Variants in CDH13 observed in about 807,000 individuals in gnomAD.
CDH13 encodes the protein cadherin 13, also known as cadherin-13.
Under a neutral mutation model 63.8 loss-of-function variants are expected in CDH13, and 24 were observed. That is an observed-to-expected ratio of 0.38 (90% CI 0.27 to 0.53). The LOEUF (loss-of-function observed/expected upper bound fraction) is 0.53. CDH13 is among the 20% of genes least tolerant of loss of function. CDH13 has a pLI of 0.85. For synonymous variants in CDH13, 503 were observed against 355.3 expected (o/e 1.42, Z -4.67); for missense variants, 1,049 against 903.1 (o/e 1.16, Z -2.07).
chr16:82,825,814 G>C (rs1049729682), intron 1 of CDH13: 2 of 151,490 alleles, frequency 1.3e-5, no homozygotes, highest in African/African-American at 4.9e-5. Flanking sequence ...CCCACAGTGC[G>C]AGGATTACAG....
In CDH13 at chr16:82,937,476, C is replaced by T. The variant is rs536393420; in HGVS notation, c.157+79003C>T. On this transcript the variant is annotated intron_variant, in intron 2 of 13. Transcript: ENST00000567109. ...ACACACACACAGTCTAGCTGAATCA[C>T]GAATTCCGTGAGAACAGAGTCAGCA... is the stretch of plus-strand genomic sequence containing the variant. Among the ~76,000 whole-genome samples the T allele has an allele frequency of 5.3e-5, 8 of 152,100 alleles. No individual in the cohort carries two copies. In the East Asian group the frequency reaches 1.4e-3, roughly 26 times the overall value.
intron 6 of CDH13, among the ~76,000 whole-genome samples, chr16:83,472,826 G>A (rs1055676978): frequency 7.2e-5 from 11 of 152,146 alleles, no homozygotes; most frequent in Non-Finnish European, 1.3e-4. Flanking sequence ...TGTGTGGCTG[G>A]CCCTGTTTCA....
rs1384492647 is a variant in CDH13 at position 82,954,957 on chromosome 16, A to G, written c.158-77053A>G. On this transcript the variant is annotated intron_variant, in intron 2 of 13. Transcript: ENST00000567109. ...AATGTTCATCCCTGTTGTAGCGTGT[A>G]TCAATACTTCAGTCTTTGCATTGCC... 2.6e-5 allele frequency among the ~76,000 whole-genome samples: 4 copies of G among 152,212 alleles called. No individual in the cohort carries two copies. In the East Asian group the frequency reaches 5.8e-4, roughly 22 times the overall value.
At position 83,567,744 on chromosome 16, in the gene CDH13, C is replaced by T. The variant is rs984322301; in HGVS notation, c.961-34710C>T. 6.4e-4 allele frequency among the ~76,000 whole-genome samples: 97 copies of T among 152,032 alleles called. 1 individual carries two copies. Among genetic ancestry groups the T allele is most frequent in the African/African-American group, 3.1e-4 (13 of 41,388 alleles). ...CTGAATAGCTGGCACTACAGGCGCC[C>T]GCCACCACGCCCGGCTAATTTTTTG... On this transcript the variant is annotated intron_variant, in intron 7 of 13. Coordinates refer to ENST00000567109, the MANE Select transcript of CDH13 (RefSeq NM_001257.5).
intron 7 of CDH13, among the ~76,000 whole-genome samples, chr16:83,519,065 C>A (rs73605863): frequency 0.041 from 6,188 of 152,262 alleles, 408 homozygotes; most frequent in African/African-American, 0.14. Context: ...TAAACTTTAC[C>A]ATTGTTCTTT....
Position 82,922,845 on chromosome 16 carries a change from T to TC in CDH13, c.157+64374dup, listed in dbSNP as rs765398800. ...TTTAACTACTTTTTGAGCTTCTGATTCCTTAAATGTGAGAAGGGTATACAG... is the reference window on the plus strand; with the variant it reads ...TTTAACTACTTTTTGAGCTTCTGATTCCCTTAAATGTGAGAAGGGTATACAG... On this transcript the variant is annotated intron_variant, in intron 2 of 13. Transcript: ENST00000567109. Among the ~76,000 whole-genome samples the TC allele has an allele frequency of 1.2e-4, 19 of 152,272 alleles. No individual in the cohort carries two copies. In the East Asian group the frequency reaches 2.3e-3, roughly 19 times the overall value.
At chr16:83,617,496 A>G (rs1909389114) in intron 8 of CDH13, among the ~76,000 whole-genome samples, 1 of 151,518 alleles carries the variant, frequency 6.6e-6, no homozygotes, top group Admixed American at 6.6e-5. Flanking sequence ...TGTAATAAGC[A>G]CATATCCTAA....
In CDH13 at chr16:82,862,045, A is replaced by G. The variant is rs183438124; in HGVS notation, c.157+3572A>G. 2.2e-3 allele frequency among the ~76,000 whole-genome samples: 340 copies of G among 152,374 alleles called. 1 individual carries two copies. Among genetic ancestry groups the G allele is most frequent in the African/African-American group, 7.7e-3 (322 of 41,594 alleles). On this transcript the variant is annotated intron_variant, in intron 2 of 13. Coordinates refer to ENST00000567109, the MANE Select transcript of CDH13 (RefSeq NM_001257.5). ...GCAACCACTCAGAAAGGAGGCATCCATTTAAGGTCTTTGAATTCTGAAAGG... is the reference window on the plus strand; with the variant it reads ...GCAACCACTCAGAAAGGAGGCATCCGTTTAAGGTCTTTGAATTCTGAAAGG...
At chr16:82,817,723 T>C (rs937466459) in intron 1 of CDH13, among the ~76,000 whole-genome samples, 2 of 152,240 alleles carry the variant, frequency 1.3e-5, no homozygotes, top group African/African-American at 4.8e-5. Context: ...GAGAATCACT[T>C]GAACTCAGGA....
In CDH13 at chr16:83,042,615, C is replaced by T. The variant is rs181178335; in HGVS notation, c.366+10397C>T. ...CATCCCAAAACCGCCACCATGAACA[C>T]CCTCAGTCCATGGAAAAATTGTCTT... On this transcript the variant is annotated intron_variant, in intron 3 of 13. Transcript: ENST00000567109. 4.1e-4 allele frequency among the ~76,000 whole-genome samples: 62 copies of T among 152,308 alleles called. 1 individual carries two copies. The highest frequency in any genetic ancestry group is 1.4e-3 in the African/African-American group (60 of 41,570).
At chr16:82,646,349 C>T (rs1247304636) in intron 1 of CDH13, 2 of 152,098 alleles carry the variant, frequency 1.3e-5, no homozygotes, top group Non-Finnish European at 2.9e-5. Context: ...GCCATCAGGC[C>T]CAGCTAATTT....
Position 83,321,176 on chromosome 16 carries a change from C to A in CDH13, c.637-23686C>A, listed in dbSNP as rs536662002. On this transcript the variant is annotated intron_variant, in intron 5 of 13. Transcript: ENST00000567109. Reference sequence around the variant, plus strand: ...TGTGCTAAGACTGAGCTGGCAGACACAGACATCAATCTCTTGTGAAACAAT... The same window carrying A: ...TGTGCTAAGACTGAGCTGGCAGACAAAGACATCAATCTCTTGTGAAACAAT... 3.5e-4 allele frequency among the ~76,000 whole-genome samples: 53 copies of A among 152,348 alleles called. No homozygotes were observed. In the South Asian group the frequency reaches 5.4e-3, roughly 16 times the overall value.
chr16:82,734,476 G>A (rs1250638047), intron 1 of CDH13, among the ~76,000 whole-genome samples: 1 of 152,196 alleles, frequency 6.6e-6, no homozygotes, highest in East Asian at 1.9e-4. Context: ...GTGAGTGGAG[G>A]GCAGGGCCTG....
intron 7 of CDH13, among the ~76,000 whole-genome samples, chr16:83,493,512 G>A (rs1174581707): frequency 6.6e-6 from 1 of 152,120 alleles, no homozygotes; most frequent in Admixed American, 6.5e-5. Context: ...TGTTCAAACC[G>A]AACCTTGATG....
chr16:82,873,273 A>C (rs1000175561), intron 2 of CDH13, among the ~76,000 whole-genome samples: 1 of 152,194 alleles, frequency 6.6e-6, no homozygotes, highest in African/African-American at 2.4e-5. Context: ...AATCATCTCA[A>C]ATGTCTTGCA....
At chr16:83,064,786 T>G (rs1003760132) in intron 3 of CDH13, among the ~76,000 whole-genome samples, 4 of 152,238 alleles carry the variant, frequency 2.6e-5, no homozygotes, top group Admixed American at 6.5e-5. Flanking sequence ...TTTTGATACA[T>G]GTATAAAATG....
chr16:83,455,653 A>T (rs1366666913), intron 6 of CDH13, among the ~76,000 whole-genome samples: 8 of 152,090 alleles, frequency 5.3e-5, no homozygotes, highest in African/African-American at 1.2e-4. Flanking sequence ...ATCTCTAAGA[A>T]CCTTGAGCTT....
intron 4 of CDH13, among the ~76,000 whole-genome samples, chr16:83,127,660 G>T (rs1343974726): frequency 2.6e-5 from 4 of 152,192 alleles, no homozygotes; most frequent in Non-Finnish European, 4.4e-5. Context: ...CCAGGAGGTG[G>T]AGGTTGCAGT....
intron 1 of CDH13, among the ~76,000 whole-genome samples, chr16:82,667,903 G>A (rs1318229867): frequency 6.6e-6 from 1 of 152,144 alleles, no homozygotes; most frequent in Non-Finnish European, 1.5e-5. Flanking sequence ...AATGAGATAA[G>A]TTAAAGCCTA....
Sources: allele counts gnomAD v4.1 joint callset (sites outside exome capture counted in the v4.1 genomes callset), GRCh38; gene constraint gnomAD v4.1.1; transcripts MANE v1.5; gene names NCBI Gene and HGNC (gene_info 2026-07-23, HGNC 2026-07-21).